Variants in CHN2 observed in about 807,000 individuals in gnomAD.
CHN2 encodes the protein chimerin 2.
CHN2 carries 35 observed loss-of-function variants against 56.3 expected under a neutral mutation model. The observed-to-expected ratio is 0.62, with a 90% CI of 0.47 to 0.82. The LOEUF (loss-of-function observed/expected upper bound fraction) is 0.82, where lower values mean the gene tolerates loss of function less well. Ranked by LOEUF, CHN2 falls within the 40% of genes least tolerant of loss-of-function variation. The pLI is 0.00. For synonymous variants in CHN2, 210 were observed against 212.8 expected (o/e 0.99, Z 0.12); for missense variants, 491 against 580.5 (o/e 0.85, Z 1.58).
At chr7:29,407,376 A>G (rs944590054) in intron 6 of CHN2, among the ~76,000 whole-genome samples, 2 of 151,824 alleles carry the variant, frequency 1.3e-5, no homozygotes, top group Non-Finnish European at 2.9e-5. Context: ...TTCATTCAGG[A>G]CAGTAGATTC....
At chr7:29,351,999 G>A (rs955134722) in intron 1 of CHN2, among the ~76,000 whole-genome samples, 6 of 152,166 alleles carry the variant, frequency 3.9e-5, no homozygotes, top group African/African-American at 1.4e-4. Flanking sequence ...TGTTAATTTA[G>A]GGGCCAGTGT....
rs143691285 is a variant in CHN2, at chr7:29,275,770, A to G, written c.50-78855A>G. 2.1e-3 allele frequency among the ~76,000 whole-genome samples: 318 copies of G among 152,328 alleles called. 1 individual carries two copies. The highest frequency in any genetic ancestry group is 2.9e-3 in the Non-Finnish European group (194 of 68,030). ...GGCTGGGCCAGGACTGAGCCCAGGC[A>G]GTCTGGTTCCGGAGTTGGTGTCCTT... On this transcript the variant is annotated intron_variant, in intron 1 of 12. Coordinates refer to ENST00000222792, the MANE Select transcript of CHN2 (RefSeq NM_004067.4).
rs1355416367 is a variant in CHN2, at chr7:29,194,783, A to G, written c.-159A>G. On this transcript the variant is annotated 5_prime_UTR_variant, in exon 1 of 13. Coordinates refer to ENST00000222792, the MANE Select transcript of CHN2 (RefSeq NM_004067.4). The stretch of plus-strand genomic sequence containing the variant: ...GCGGCAGCGCGTCATCTGGTGGAGC[A>G]GGAAGTGCAGGCAGAGTCCGGAGGC... The G allele has an allele frequency of 3.9e-6, 2 of 512,870 alleles. No homozygotes were observed. The highest frequency in any genetic ancestry group is 6.3e-6 in the Non-Finnish European group (2 of 319,256). 31.8% of individuals were successfully genotyped at this position (512,870 alleles called of 1,614,324 possible).
At chr7:29,331,603 A>G (rs55714565) in intron 1 of CHN2, among the ~76,000 whole-genome samples, 45,047 of 152,114 alleles carry the variant, frequency 0.3, 7,152 homozygotes, top group East Asian at 0.36. Context: ...ACACCCTGGC[A>G]TGGAAGAGAC....
chr7:29,192,815 C>T (rs1256808241), upstream of CHN2: 1 of 152,146 alleles, frequency 6.6e-6, no homozygotes, highest in Non-Finnish European at 1.5e-5. Flanking sequence ...GTCTTCGAAG[C>T]CCAGATGGTA....
At chr7:29,443,348 C>T (rs996169905) in intron 6 of CHN2, among the ~76,000 whole-genome samples, 8 of 152,196 alleles carry the variant, frequency 5.3e-5, no homozygotes, top group African/African-American at 1.9e-4. Flanking sequence ...CAGCAGATCA[C>T]ATATATGACA....
At chr7:29,455,372 CT>C (rs1784674704) in intron 6 of CHN2, among the ~76,000 whole-genome samples, 1 of 152,140 alleles carries the variant, frequency 6.6e-6, no homozygotes. Flanking sequence ...ACATTTAAAG[CT>C]AGATGAGGCC....
chr7:29,432,201 C>T (rs4352736), intron 6 of CHN2, among the ~76,000 whole-genome samples: 7,746 of 152,056 alleles, frequency 0.051, 357 homozygotes, highest in East Asian at 0.26. Context: ...TGCCTTTTGA[C>T]GGTGTGCCTC....
chr7:29,372,390 C>T (rs745714542), intron 3 of CHN2, among the ~76,000 whole-genome samples: 10 of 152,062 alleles, frequency 6.6e-5, no homozygotes, highest in African/African-American at 1.7e-4. Flanking sequence ...ACCCTTGGAG[C>T]GTCTCTGTCA....
At chr7:29,344,731 T>C (rs113014860) in intron 1 of CHN2, among the ~76,000 whole-genome samples, 2 of 152,108 alleles carry the variant, frequency 1.3e-5, no homozygotes, top group Admixed American at 6.6e-5. Context: ...GGCCTTGCTC[T>C]TAGGTTTCAC....
At chr7:29,262,953 G>C (rs943417193) in intron 1 of CHN2, among the ~76,000 whole-genome samples, 12 of 152,044 alleles carry the variant, frequency 7.9e-5, no homozygotes, top group Non-Finnish European at 1.5e-4. Flanking sequence ...TCGTGAAGAT[G>C]GTAAAATTTA....
In CHN2 at chr7:29,175,749, G is replaced by GA. The variant is rs200393708; in HGVS notation, c.274+28796dup. ...ATAAGTTACCCAAGCGGAGCACAGG[G>GA]AAAAAAACAAAACAAAAAAACAGTG... On this transcript the variant is annotated intron_variant, in intron 2 of 6. Transcript: ENST00000439384. Among the ~76,000 whole-genome samples, 718 of 151,932 alleles carry GA rather than the reference G, an allele frequency of 4.7e-3. 6 individuals are homozygous for GA. Among genetic ancestry groups the GA allele is most frequent in the African/African-American group, 0.016 (680 of 41,422 alleles).
intron 2 of CHN2, among the ~76,000 whole-genome samples, chr7:29,362,870 AG>A (rs1440688363): frequency 2.0e-5 from 3 of 152,138 alleles, no homozygotes; most frequent in Non-Finnish European, 4.4e-5. Flanking sequence ...ATCTCCTCGA[AG>A]GCACAGATTG....
In CHN2 at chr7:29,465,136, T is replaced by A. The variant is rs866303318; in HGVS notation, c.577-15143T>A. Among the ~76,000 whole-genome samples the A allele has an allele frequency of 1.6e-4, 24 of 152,356 alleles. No homozygotes were observed. The South Asian group carries it at 3.5e-3, about 22-fold the overall frequency. On this transcript the variant is annotated intron_variant, in intron 6 of 12. Coordinates refer to ENST00000222792, the MANE Select transcript of CHN2 (RefSeq NM_004067.4). ...ACACATCTTTCATGCAACTTCATGT[T>A]TATTCTGCCAAGTGCCTCTGAAGAA...
chr7:29,280,904 C>T (rs770732185), intron 1 of CHN2, among the ~76,000 whole-genome samples: 9 of 152,110 alleles, frequency 5.9e-5, no homozygotes, highest in Non-Finnish European at 1.2e-4. Flanking sequence ...CAAGACCAGG[C>T]CTGGCCAACA....
rs960975436 is a variant in CHN2 at position 29,326,449 on chromosome 7, C to A, written c.50-28176C>A. Among the ~76,000 whole-genome samples the A allele has an allele frequency of 4.7e-4, 71 of 152,322 alleles. 1 individual carries two copies. The highest frequency in any genetic ancestry group is 1.5e-3 in the African/African-American group (61 of 41,578). On this transcript the variant is annotated intron_variant, in intron 1 of 12. Coordinates refer to ENST00000222792, the MANE Select transcript of CHN2 (RefSeq NM_004067.4). ...GGGATTACAGGTGTCAGCCACTGCGCCTGGCCAATTCTTTGATTTTCTAAA... is the reference window on the plus strand; with the variant it reads ...GGGATTACAGGTGTCAGCCACTGCGACTGGCCAATTCTTTGATTTTCTAAA...
At chr7:29,230,505 T>C (rs1786591092) in intron 1 of CHN2, among the ~76,000 whole-genome samples, 2 of 152,122 alleles carry the variant, frequency 1.3e-5, no homozygotes, top group Non-Finnish European at 2.9e-5. Flanking sequence ...CACGCCTGGC[T>C]AAATTTTGTA....
chr7:29,506,733 A>C (rs1790612199), intron 10 of CHN2, among the ~76,000 whole-genome samples: 1 of 152,190 alleles, frequency 6.6e-6, no homozygotes. Flanking sequence ...TCAGGGAGGA[A>C]GGATCAAGTT....
intron 1 of CHN2, among the ~76,000 whole-genome samples, chr7:29,272,194 C>T (rs192741897): frequency 4.6e-5 from 7 of 152,232 alleles, no homozygotes; most frequent in Non-Finnish European, 7.4e-5. Context: ...GAGTCCGCCA[C>T]GGTCTCTGTA....
Sources: allele counts gnomAD v4.1 joint callset (sites outside exome capture counted in the v4.1 genomes callset), GRCh38; gene constraint gnomAD v4.1.1; transcripts MANE v1.5; gene names NCBI Gene and HGNC (gene_info 2026-07-23, HGNC 2026-07-21).